Variants in MOSPD2 observed in about 807,000 individuals in gnomAD.
MOSPD2 encodes the protein motile sperm domain containing 2, also known as motile sperm domain-containing protein 2.
MOSPD2 carries 5 observed loss-of-function variants against 41.7 expected under a neutral mutation model. That is an observed-to-expected ratio of 0.12 (90% CI 0.06 to 0.25). The LOEUF is 0.25. Among genes scored for constraint, MOSPD2 ranks in the 10% least tolerant of loss-of-function variants. The pLI, the probability that MOSPD2 is intolerant of heterozygous loss-of-function variation, is 1.00. For synonymous variants in MOSPD2, 115 were observed against 126.9 expected (o/e 0.91, Z 0.63); for missense variants, 282 against 375.2 (o/e 0.75, Z 2.05).
chrX:14,889,509 C>T (rs887470813), intron 2 of MOSPD2, among the ~76,000 whole-genome samples: 3 of 109,334 alleles, frequency 2.7e-5, no homozygotes, highest in African/African-American at 1.0e-4. Flanking sequence ...GTGTCTCATT[C>T]TATCTGTCTC....
chrX:14,903,131 G>C, intron 7 of MOSPD2, 127 bp downstream of exon 7: 1 of 461,287 alleles, frequency 2.2e-6, no homozygotes. Context: ...TAAGAGACTG[G>C]AGCTAGAACA....
At chrX:14,907,197 A>G (rs763648690) in intron 7 of MOSPD2, among the ~76,000 whole-genome samples, 2 of 112,530 alleles carry the variant, frequency 1.8e-5, no homozygotes, top group East Asian at 2.8e-4. Context: ...TAGGGTGGCT[A>G]GAATAAAAAA....
At chrX:14,887,709 TA>T (rs1167842652) in intron 2 of MOSPD2, among the ~76,000 whole-genome samples, 1 of 111,873 alleles carries the variant, frequency 8.9e-6, no homozygotes, top group African/African-American at 3.2e-5. Context: ...TAAAAAATTT[TA>T]TTTTTTTATT....
chrX:14,887,377 A>G (rs896575935), intron 2 of MOSPD2, among the ~76,000 whole-genome samples: 4 of 111,928 alleles, frequency 3.6e-5, no homozygotes, highest in Admixed American at 2.8e-4. Context: ...TCATTTGTAT[A>G]GTGTTTAAGT....
chrX:14,874,153 A>T (rs2092514454), intron 2 of MOSPD2: 1 of 168,346 alleles, frequency 5.9e-6, no homozygotes, highest in African/African-American at 3.0e-5. Flanking sequence ...ATTGATGTGT[A>T]CTTAATTGGG....
intron 3 of MOSPD2, 115 bp from the exon 4 acceptor site, chrX:14,895,193 G>A: frequency 2.1e-6 from 1 of 484,189 alleles, no homozygotes; most frequent in East Asian, 3.8e-5. Flanking sequence ...GAATGTTTGG[G>A]TACATTATAT....
chrX:14,921,122 G>T lies in MOSPD2; in HGVS notation c.*1313G>T. Reference sequence around the variant, plus strand: ...ATATGACCAGTTTGGGTCTATGTTGGTTCACATGTACATCTACTTTATATG... The same window carrying T: ...ATATGACCAGTTTGGGTCTATGTTGTTTCACATGTACATCTACTTTATATG... On this transcript the variant is annotated 3_prime_UTR_variant, in exon 15 of 15. Transcript: ENST00000380492. 1.2e-6 allele frequency: 1 copy of T among 845,802 alleles called. No homozygotes were observed. Among genetic ancestry groups the T allele is most frequent in the South Asian group, 6.4e-5 (1 of 15,565 alleles). The allele number at this position is 845,802 out of a possible 1,213,427, so 69.7% of individuals were successfully genotyped here.
At chrX:14,918,537 G>C in intron 13 of MOSPD2, 143 bp from the exon 14 acceptor site, 1 of 439,787 alleles carries the variant, frequency 2.3e-6, no homozygotes, top group South Asian at 3.9e-5. Context: ...CAGAGCAACT[G>C]TCTTAGGTGA....
intron 2 of MOSPD2, among the ~76,000 whole-genome samples, chrX:14,877,833 T>C (rs1243153901): frequency 4.7e-5 from 5 of 105,871 alleles, no homozygotes; most frequent in African/African-American, 1.7e-4. Context: ...AAAAAAAAAT[T>C]AGCTGGGCGT....
intron 2 of MOSPD2, among the ~76,000 whole-genome samples, chrX:14,891,463 T>C (rs2092553570): frequency 9.0e-6 from 1 of 111,528 alleles, no homozygotes; most frequent in Non-Finnish European, 1.9e-5. Flanking sequence ...TACCGTAATA[T>C]GGCATACATG....
At chrX:14,888,762 GGTGTGT>G (rs746762577) in intron 2 of MOSPD2, among the ~76,000 whole-genome samples, 1 of 105,982 alleles carries the variant, frequency 9.4e-6, no homozygotes, top group Non-Finnish European at 2.0e-5. Flanking sequence ...ATGTCCTAGG[GGTGTGT>G]GTGTGTGTGT....
chrX:14,911,535 G>A, intron 9 of MOSPD2, 122 bp downstream of exon 9: 1 of 501,864 alleles, frequency 2.0e-6, no homozygotes, highest in Non-Finnish European at 3.2e-6. Context: ...ATTTTTGTGT[G>A]TAAAAAGAAA....
intron 2 of MOSPD2, among the ~76,000 whole-genome samples, chrX:14,883,409 T>C (rs981302879): frequency 1.8e-5 from 2 of 111,849 alleles, no homozygotes; most frequent in African/African-American, 3.2e-5. Flanking sequence ...CTCTAGGAGA[T>C]TGAGTAGTGC....
chrX:14,889,771 A>T (rs972913092), intron 2 of MOSPD2, among the ~76,000 whole-genome samples: 22 of 112,140 alleles, frequency 2.0e-4, no homozygotes, highest in Non-Finnish European at 4.1e-4. Flanking sequence ...AATTTCAAAG[A>T]TCAACATTGC....
intron 2 of MOSPD2, among the ~76,000 whole-genome samples, chrX:14,879,174 A>G (rs993656380): frequency 1.8e-5 from 2 of 111,790 alleles, no homozygotes; most frequent in African/African-American, 3.3e-5. Flanking sequence ...GTAGTAGTTC[A>G]TAGAATAAAT....
At chrX:14,911,049 T>A (rs2092590900) in intron 8 of MOSPD2, among the ~76,000 whole-genome samples, 188 bp from the exon 9 acceptor site, 2 of 111,876 alleles carry the variant, frequency 1.8e-5, no homozygotes, top group Non-Finnish European at 3.8e-5. Context: ...TCTGTATAGA[T>A]GGCTAGCCAA....
chrX:14,909,076 T>C, intron 8 of MOSPD2, 92 bp downstream of exon 8: 1 of 742,827 alleles, frequency 1.3e-6, no homozygotes, highest in Non-Finnish European at 1.8e-6. Context: ...AGTAGTACCA[T>C]AATATGCAAA....
At chrX:14,885,352 T>C (rs2092539194) in intron 2 of MOSPD2, 1 of 111,628 alleles carries the variant, frequency 9.0e-6, no homozygotes, top group Admixed American at 9.5e-5. Flanking sequence ...AACACACCTC[T>C]AAATAATCCA....
At chrX:14,919,204 T>A (rs1158218915) in intron 14 of MOSPD2, among the ~76,000 whole-genome samples, 1 of 111,534 alleles carries the variant, frequency 9.0e-6, no homozygotes, top group Admixed American at 9.5e-5. Flanking sequence ...AGACCATTTC[T>A]CAATAAAAAA....
Sources: allele counts gnomAD v4.1 joint callset (sites outside exome capture counted in the v4.1 genomes callset), GRCh38; gene constraint gnomAD v4.1.1; transcripts MANE v1.5; gene names NCBI Gene and HGNC (gene_info 2026-07-23, HGNC 2026-07-21).